CAST: variants seen among roughly 807,000 people sequenced by gnomAD.
The protein encoded by CAST is MIR583 host.
In CAST, 76 loss-of-function variants were observed where a neutral mutation model predicts 119.6. The ratio of observed to expected loss-of-function variants is 0.64; its 90% CI spans 0.53 to 0.77. The LOEUF is 0.77. CAST is among the 30% of genes least tolerant of loss of function. The probability of loss-of-function intolerance (pLI) is 0.00; values close to 1 mark genes in which losing one functional copy is unlikely to be tolerated. For missense variants in CAST, 953 were observed against 946.5 expected (o/e 1.01, Z -0.09); for synonymous variants, 319 against 331.6 (o/e 0.96, Z 0.41).
the CAST span, among the ~76,000 whole-genome samples, chr5:96,267,471 T>G: frequency 6.6e-6 from 1 of 152,182 alleles, no homozygotes; most frequent in African/African-American, 2.4e-5. Flanking sequence ...CCAATTTGTT[T>G]GACAACCTTC....
the CAST span, among the ~76,000 whole-genome samples, chr5:96,118,180 G>A: frequency 6.6e-6 from 1 of 151,480 alleles, no homozygotes; most frequent in Non-Finnish European, 1.5e-5. Flanking sequence ...GAATCCCTTT[G>A]TAGAGAAAGC....
At chr5:96,175,708 A>G in the CAST span, among the ~76,000 whole-genome samples, 1 of 152,248 alleles carries the variant, frequency 6.6e-6, no homozygotes, top group African/African-American at 2.4e-5. Context: ...AGTGTTTCAC[A>G]TGGATGCCAT....
the CAST span, among the ~76,000 whole-genome samples, chr5:96,074,150 G>A: frequency 7.9e-5 from 12 of 152,028 alleles, no homozygotes; most frequent in Non-Finnish European, 7.4e-5. Context: ...CTGCTACCTC[G>A]CTTCCCTGAA....
the CAST span, among the ~76,000 whole-genome samples, chr5:96,502,171 G>A: frequency 6.6e-6 from 1 of 152,118 alleles, no homozygotes; most frequent in Non-Finnish European, 1.5e-5. Context: ...CATAAATCCT[G>A]TACTTCAAAT....
chr5:96,504,700 G>A, the CAST span, among the ~76,000 whole-genome samples: 1 of 152,096 alleles, frequency 6.6e-6, no homozygotes, highest in African/African-American at 2.4e-5. Flanking sequence ...ACACACAGTT[G>A]TGCAACTGTC....
At chr5:96,684,265 G>A (rs1039756436) in intron 2 of CAST, among the ~76,000 whole-genome samples, 1 of 152,142 alleles carries the variant, frequency 6.6e-6, no homozygotes, top group African/African-American at 2.4e-5. Context: ...CATATGAGGT[G>A]CTCTATAAAT....
At chr5:96,676,725 A>AC (rs1561462255) in intron 2 of CAST, among the ~76,000 whole-genome samples, 1 of 151,296 alleles carries the variant, frequency 6.6e-6, no homozygotes, top group African/African-American at 2.5e-5. Context: ...ATTAAAAAAA[A>AC]AAACCACAAA....
At chr5:96,513,160 T>G in the CAST span, among the ~76,000 whole-genome samples, 2 of 152,366 alleles carry the variant, frequency 1.3e-5, no homozygotes, top group Admixed American at 1.3e-4. Flanking sequence ...TCTTGTTCCC[T>G]CTGCCAGCCT....
chr5:96,050,620 A>G, the CAST span, among the ~76,000 whole-genome samples: 2 of 152,220 alleles, frequency 1.3e-5, no homozygotes, highest in Non-Finnish European at 2.9e-5. Context: ...AAGCATTAGG[A>G]AGAGTAGACG....
At chr5:96,575,467 G>T (rs1277999070) in intron 1 of CAST, among the ~76,000 whole-genome samples, 2 of 152,116 alleles carry the variant, frequency 1.3e-5, no homozygotes, top group Non-Finnish European at 2.9e-5. Context: ...GAACATCCTT[G>T]CCTTGTTACC....
the CAST span, among the ~76,000 whole-genome samples, chr5:96,474,751 TA>T: frequency 3.9e-5 from 6 of 151,958 alleles, no homozygotes; most frequent in East Asian, 1.2e-3. Flanking sequence ...GGCTGCATGG[TA>T]AAAAACAGAT....
chr5:96,067,249 T>C, the CAST span, among the ~76,000 whole-genome samples: 4 of 152,338 alleles, frequency 2.6e-5, no homozygotes, highest in East Asian at 5.8e-4. Context: ...CTGTATTTTC[T>C]TTTTATTTTC....
chr5:96,075,075 A>G, the CAST span, among the ~76,000 whole-genome samples: 23 of 152,342 alleles, frequency 1.5e-4, no homozygotes, highest in East Asian at 3.7e-3. Context: ...TTTCCTTCCT[A>G]CTTGTTTGCT....
At chr5:96,468,070 G>A in the CAST span, among the ~76,000 whole-genome samples, 1 of 151,966 alleles carries the variant, frequency 6.6e-6, no homozygotes, top group Non-Finnish European at 1.5e-5. Flanking sequence ...AAAGCCTCCA[G>A]CACTATACAA....
chr5:96,166,035 A>G, the CAST span, among the ~76,000 whole-genome samples: 1 of 152,192 alleles, frequency 6.6e-6, no homozygotes, highest in Non-Finnish European at 1.5e-5. Context: ...TGAACAAAAC[A>G]ATAAATCAAG....
At chr5:96,122,381 T>A in the CAST span, among the ~76,000 whole-genome samples, 1 of 152,190 alleles carries the variant, frequency 6.6e-6, no homozygotes. Context: ...GATACTTTTT[T>A]TCCTTTATAA....
At position 96,662,437 on chromosome 5, in the gene CAST, C is replaced by A; in HGVS notation, c.15C>A (p.Gly5=). Residue 5 remains glycine, a synonymous_variant, in exon 1 of 32, where the codon GGC becomes GGA. Transcript: ENST00000675179. MSQP[G]QKPAASPRPR... ...GCGGCCTCGCCATGTCCCAGCCCGG[C>A]CAGAAGCCCGCCGCCTCCCCGCGGC... is the stretch of plus-strand genomic sequence containing the variant. 6.9e-7 allele frequency: 1 copy of A among 1,443,568 alleles called. No homozygotes were observed. Among genetic ancestry groups the A allele is most frequent in the Non-Finnish European group, 9.1e-7 (1 of 1,103,508 alleles). 89.4% of individuals were successfully genotyped at this position (1,443,568 alleles called of 1,614,324 possible). A position where few individuals can be genotyped will look rare whatever the true frequency, so the allele number is the denominator to read the frequency against.
At chr5:96,564,660 T>C (rs1251663890) in intron 1 of CAST, among the ~76,000 whole-genome samples, 1 of 152,248 alleles carries the variant, frequency 6.6e-6, no homozygotes, top group African/African-American at 2.4e-5. Flanking sequence ...GGCTCATGCC[T>C]GTAATCCCAG....
At chr5:96,132,593 A>G in the CAST span, among the ~76,000 whole-genome samples, 307 of 152,118 alleles carry the variant, frequency 2.0e-3, no homozygotes, top group African/African-American at 7.1e-3. Context: ...AATAACCACA[A>G]TTCTACTCTC....
Sources: gnomAD v4.1 joint callset for allele counts (sites outside exome capture counted in the v4.1 genomes callset) on GRCh38, gnomAD v4.1.1 for gene constraint, MANE v1.5 for transcripts, NCBI Gene and HGNC (gene_info 2026-07-23, HGNC 2026-07-21) for gene names.